Variants in LINGO2 observed in about 807,000 individuals in gnomAD.
LINGO2 encodes the protein leucine rich repeat and Ig domain containing 2, also known as leucine-rich repeat and immunoglobulin-like domain-containing nogo receptor-interacting protein 2.
Under a neutral mutation model 30.6 loss-of-function variants are expected in LINGO2, and 14 were observed. The observed-to-expected ratio is 0.46, with a 90% CI of 0.30 to 0.72. The LOEUF is 0.72. LINGO2 is among the 30% of genes least tolerant of loss of function. LINGO2 has a pLI of 0.07. For synonymous variants in LINGO2, 317 were observed against 288.5 expected (o/e 1.10, Z -1.00); for missense variants, 729 against 751.7 (o/e 0.97, Z 0.35).
At position 28,492,376 on chromosome 9, in the gene LINGO2, C is replaced by T. The variant is rs1339275969; in HGVS notation, c.-364-16351G>A. Reference sequence around the variant, plus strand: ...ATGCTGAAAACCTGAAAGCTTTATGCTAGCCTGTAGCGAATTTTTAGGAAG... The same window carrying T: ...ATGCTGAAAACCTGAAAGCTTTATGTTAGCCTGTAGCGAATTTTTAGGAAG... On this transcript the variant is annotated intron_variant, in intron 1 of 5. Coordinates refer to ENST00000379992, the Ensembl canonical transcript of LINGO2. Among the ~76,000 whole-genome samples the T allele has an allele frequency of 2.0e-5, 3 of 152,118 alleles. No individual in the cohort carries two copies. The East Asian group carries it at 5.8e-4, about 29-fold the overall frequency.
At chr9:28,362,545 A>G (rs1820492286) in intron 3 of LINGO2, among the ~76,000 whole-genome samples, 1 of 151,548 alleles carries the variant, frequency 6.6e-6, no homozygotes. Flanking sequence ...ATCTCAGCTC[A>G]CCGCAACCTC....
At chr9:27,949,043 C>T (rs1382412926) in exon 6 of LINGO2, 3 of 1,613,988 alleles carry the variant, frequency 1.9e-6, no homozygotes, top group East Asian at 2.2e-5. Flanking sequence ...TAGCTGTAGA[C>T]ACCAGTATTG....
intron 4 of LINGO2, among the ~76,000 whole-genome samples, chr9:28,057,530 T>TAC (rs143066022): frequency 0.24 from 34,040 of 144,544 alleles, 4,503 homozygotes; most frequent in Middle Eastern, 0.4. Flanking sequence ...TGTATATATA[T>TAC]ACACACACAC....
chr9:28,089,069 T>A (rs1246992140), intron 4 of LINGO2, among the ~76,000 whole-genome samples: 5 of 152,196 alleles, frequency 3.3e-5, no homozygotes, highest in East Asian at 3.9e-4. Context: ...ATAAAGCAAG[T>A]CCTTAGAGAC....
chr9:27,952,330 T>G (rs186697161), intron 5 of LINGO2, among the ~76,000 whole-genome samples: 1 of 151,922 alleles, frequency 6.6e-6, no homozygotes, highest in Admixed American at 6.5e-5. Context: ...CTATCAAGAA[T>G]CAAAATAACT....
rs199844460 is a variant in LINGO2, at chr9:27,999,580, T to C, written c.-36+12775A>G. On this transcript the variant is annotated intron_variant, in intron 5 of 5. Transcript: ENST00000379992. ...TTTCATCCTTGACACAGTATGTTTA[T>C]AGTGGGTCACTTCTTTCCTCTGCTG... Among the ~76,000 whole-genome samples the C allele has an allele frequency of 2.7e-4, 41 of 152,288 alleles. No homozygotes were observed. The East Asian group carries it at 5.0e-3, about 19-fold the overall frequency.
rs560679516 is a variant in LINGO2, at chr9:28,224,722, T to C, written c.-87+70486A>G. 3.3e-5 allele frequency among the ~76,000 whole-genome samples: 5 copies of C among 152,296 alleles called. No homozygotes were observed. In the South Asian group the frequency reaches 1.0e-3, roughly 32 times the overall value. ...TTTCTATCTTCATGAAATATAGCTT[T>C]TAATCCCTATGAAAATATTAATGAC... On this transcript the variant is annotated intron_variant, in intron 4 of 5. Coordinates refer to ENST00000379992, the Ensembl canonical transcript of LINGO2.
intron 1 of LINGO2, among the ~76,000 whole-genome samples, chr9:28,621,161 TA>T (rs1009423670): frequency 5.3e-5 from 8 of 151,962 alleles, no homozygotes; most frequent in Non-Finnish European, 8.8e-5. Context: ...ACATCCTACA[TA>T]AAAACAATTT....
chr9:28,086,053 C>T (rs1322682828), intron 4 of LINGO2, among the ~76,000 whole-genome samples: 1 of 152,020 alleles, frequency 6.6e-6, no homozygotes, highest in Non-Finnish European at 1.5e-5. Flanking sequence ...CTTACCTGTA[C>T]ATAGGACAGC....
intron 5 of LINGO2, among the ~76,000 whole-genome samples, chr9:27,957,379 C>T (rs934123323): frequency 1.9e-4 from 29 of 152,076 alleles, no homozygotes; most frequent in Non-Finnish European, 2.8e-4. Flanking sequence ...CTGCAACCTC[C>T]GACTCCCTGG....
At chr9:28,623,224 T>C (rs569875427) in intron 1 of LINGO2, among the ~76,000 whole-genome samples, 1 of 152,160 alleles carries the variant, frequency 6.6e-6, no homozygotes, top group South Asian at 2.1e-4. Context: ...TTTTTGCTTT[T>C]GTTGTTTGTG....
chr9:28,031,589 T>C (rs1373006754), intron 4 of LINGO2, among the ~76,000 whole-genome samples: 3 of 152,222 alleles, frequency 2.0e-5, no homozygotes. Context: ...CTCACTCACT[T>C]TCCTCATCTT....
chr9:28,103,419 A>G (rs762612986), intron 4 of LINGO2, among the ~76,000 whole-genome samples: 1 of 152,112 alleles, frequency 6.6e-6, no homozygotes, highest in Non-Finnish European at 1.5e-5. Flanking sequence ...CAACTTCCCA[A>G]CCGAGGCCCT....
At chr9:28,024,254 G>T (rs551102756) in intron 4 of LINGO2, among the ~76,000 whole-genome samples, 1 of 152,136 alleles carries the variant, frequency 6.6e-6, no homozygotes, top group Non-Finnish European at 1.5e-5. Context: ...CAGTTGTGAA[G>T]GTTGTGCTCT....
At chr9:28,128,816 G>A (rs1330142381) in intron 4 of LINGO2, among the ~76,000 whole-genome samples, 2 of 151,986 alleles carry the variant, frequency 1.3e-5, no homozygotes, top group Admixed American at 1.3e-4. Flanking sequence ...ATTGAAGGAT[G>A]CAAAGTATTG....
chr9:29,085,281 T>TAAAAAAAAAAAAAAAA, the LINGO2 span, among the ~76,000 whole-genome samples: 4 of 77,036 alleles, frequency 5.2e-5, no homozygotes, highest in Non-Finnish European at 1.1e-4. Flanking sequence ...CTATGGTAAG[T>TAAAAAAAAAAAAAAAA]AAAAAAAAAA....
the LINGO2 span, among the ~76,000 whole-genome samples, chr9:28,828,800 C>A: frequency 6.6e-6 from 1 of 152,214 alleles, no homozygotes; most frequent in Non-Finnish European, 1.5e-5. Flanking sequence ...AATTTGAAAA[C>A]TGCCTTCAAG....
At chr9:28,045,262 C>T (rs188427243) in intron 4 of LINGO2, among the ~76,000 whole-genome samples, 3 of 152,240 alleles carry the variant, frequency 2.0e-5, no homozygotes, top group East Asian at 3.9e-4. Flanking sequence ...AAAATACGCT[C>T]AGTCACCCAA....
At chr9:28,913,934 T>C in the LINGO2 span, among the ~76,000 whole-genome samples, 1 of 152,170 alleles carries the variant, frequency 6.6e-6, no homozygotes, top group African/African-American at 2.4e-5. Context: ...ATGGTACGTA[T>C]ACATGATAGT....
Sources: gnomAD v4.1 joint callset for allele counts (sites outside exome capture counted in the v4.1 genomes callset) on GRCh38, gnomAD v4.1.1 for gene constraint, MANE v1.5 for transcripts, NCBI Gene and HGNC (gene_info 2026-07-23, HGNC 2026-07-21) for gene names.